Variants in INSC observed in about 807,000 individuals in gnomAD.
The protein encoded by INSC is protein inscuteable homolog.
A neutral mutation model predicts 58.6 loss-of-function variants in INSC; 67 were observed. The observed-to-expected ratio is 1.14, with a 90% confidence interval of 0.94 to 1.40. The LOEUF (loss-of-function observed/expected upper bound fraction) is 1.40. Ranked by LOEUF, INSC falls within the 40% of genes most tolerant of loss-of-function variation. The pLI is 0.00. For missense variants in INSC, 714 were observed against 692.0 expected (o/e 1.03, Z -0.36); for synonymous variants, 262 against 276.1 (o/e 0.95, Z 0.51).
At chr11:15,189,269 C>A (rs979024601) in intron 5 of INSC, among the ~76,000 whole-genome samples, 3 of 152,194 alleles carry the variant, frequency 2.0e-5, no homozygotes, top group African/African-American at 7.2e-5. Context: ...TTAGCTTCCA[C>A]CTGGCAGGTA....
chr11:15,204,716 C>G (rs1367304213), intron 7 of INSC, among the ~76,000 whole-genome samples: 1 of 152,238 alleles, frequency 6.6e-6, no homozygotes, highest in Non-Finnish European at 1.5e-5. Flanking sequence ...ACTCACCGGG[C>G]ATGGTTCGTG....
rs58463716 is a variant in INSC, at chr11:15,149,262, C to T, written c.56+32C>T. Reference sequence around the variant, plus strand: ...CCTACAGCTGTCACTCCAGGCCAGGCCTGCCCCATCTGAACCGTGACTGAG... The same window carrying T: ...CCTACAGCTGTCACTCCAGGCCAGGTCTGCCCCATCTGAACCGTGACTGAG... On this transcript the variant is annotated intron_variant, in intron 2 of 12. Transcript: ENST00000379556. 3,981 of 1,483,326 alleles carry T rather than the reference C, an allele frequency of 2.7e-3. 79 individuals are homozygous for T. The African/African-American group carries it at 0.045, about 17-fold the overall frequency. The allele number at this position is 1,483,326 out of a possible 1,614,324, so 91.9% of individuals were successfully genotyped here.
intron 7 of INSC, among the ~76,000 whole-genome samples, chr11:15,204,252 CG>C (rs1564901712): frequency 6.6e-6 from 1 of 152,224 alleles, no homozygotes; most frequent in East Asian, 1.9e-4. Flanking sequence ...GACTCAGAGA[CG>C]CGAAGCCACT....
upstream of INSC, among the ~76,000 whole-genome samples, chr11:15,111,752 C>T (rs1564851044): frequency 2.0e-5 from 3 of 152,146 alleles, no homozygotes; most frequent in Non-Finnish European, 4.4e-5. Context: ...ATAATAATAA[C>T]TTTTATAAAA....
chr11:15,268,603 A>G, the INSC span, among the ~76,000 whole-genome samples: 2 of 152,096 alleles, frequency 1.3e-5, no homozygotes, highest in South Asian at 2.1e-4. Flanking sequence ...TCCTTGACCT[A>G]TAAAAAGTGT....
chr11:15,175,794 T>C lies in INSC; in HGVS notation c.110T>C (p.Leu37Pro). 2 of 1,602,674 alleles carry C rather than the reference T, an allele frequency of 1.2e-6. No homozygotes were observed. Among genetic ancestry groups the C allele is most frequent in the Non-Finnish European group, 1.7e-6 (2 of 1,171,086 alleles). The change falls in exon 3 of 13, where the codon CTC becomes CCC. Residue 37 changes from leucine to proline, a missense_variant. Coordinates refer to ENST00000379556, the MANE Select transcript of INSC (RefSeq NM_001042536.3). ...CAGCGCTGGATGGAAGATCTGAAGCTCATGACCGAGTGCGAGTGCATGTGT... is the reference window on the plus strand; with the variant it reads ...CAGCGCTGGATGGAAGATCTGAAGCCCATGACCGAGTGCGAGTGCATGTGT... ...SVQRWMEDLK[L>P]MTECECMCVL...
At chr11:15,237,462 G>C (rs1323017926) in intron 10 of INSC, among the ~76,000 whole-genome samples, 1 of 152,238 alleles carries the variant, frequency 6.6e-6, no homozygotes, top group African/African-American at 2.4e-5. Flanking sequence ...GTCTGGCACA[G>C]AATGAGCACT....
chr11:15,114,364 G>T (rs1459336287), upstream of INSC, among the ~76,000 whole-genome samples: 1 of 152,184 alleles, frequency 6.6e-6, no homozygotes, highest in Non-Finnish European at 1.5e-5. Context: ...TTAGGTGTGT[G>T]TGAGCAAGGT....
At chr11:15,229,991 A>AT (rs1564917444) in intron 9 of INSC, among the ~76,000 whole-genome samples, 5 of 28,500 alleles carry the variant, frequency 1.8e-4, no homozygotes, top group African/African-American at 1.6e-4. Context: ...ATATATATAT[A>AT]TATATATATA....
At chr11:15,233,983 T>C (rs1230466363) in intron 9 of INSC, among the ~76,000 whole-genome samples, 1 of 152,102 alleles carries the variant, frequency 6.6e-6, no homozygotes, top group Non-Finnish European at 1.5e-5. Context: ...TTCCTCTAAC[T>C]CCTTCCACTG....
At chr11:15,112,699 G>C, upstream of INSC, 1 of 588,100 alleles carries the variant, frequency 1.7e-6, no homozygotes, top group Non-Finnish European at 2.7e-6. Flanking sequence ...AACAAACCAA[G>C]TCTGTTCCTC....
At chr11:15,124,749 T>A (rs955450814) in intron 1 of INSC, among the ~76,000 whole-genome samples, 5 of 152,200 alleles carry the variant, frequency 3.3e-5, no homozygotes, top group African/African-American at 9.6e-5. Flanking sequence ...GCTGTCCATC[T>A]GCTTTGGCGG....
chr11:15,112,418 C>T, upstream of INSC: 1 of 1,471,342 alleles, frequency 6.8e-7, no homozygotes, highest in Non-Finnish European at 9.3e-7. Context: ...AGAAGCTGTT[C>T]ACAGGGGCCT....
At chr11:15,236,788 C>G (rs1762420559) in intron 10 of INSC, among the ~76,000 whole-genome samples, 1 of 152,192 alleles carries the variant, frequency 6.6e-6, no homozygotes, top group Non-Finnish European at 1.5e-5. Flanking sequence ...TCTTGCTAAA[C>G]CCCCTTCTCC....
At chr11:15,180,702 G>GGTGGGGGGGT (rs1849747811) in intron 5 of INSC, among the ~76,000 whole-genome samples, 1 of 105,322 alleles carries the variant, frequency 9.5e-6, no homozygotes, top group Non-Finnish European at 1.9e-5. Context: ...GGCGGGGGGG[G>GGTGGGGGGGT]GTGGTGGCCA....
intron 2 of INSC, among the ~76,000 whole-genome samples, chr11:15,172,279 T>A (rs1047466437): frequency 6.6e-6 from 1 of 152,174 alleles, no homozygotes; most frequent in African/African-American, 2.4e-5. Context: ...TTTTCCATCT[T>A]TAATAACTCC....
At chr11:15,241,050 T>C (rs1418080874) in intron 12 of INSC, among the ~76,000 whole-genome samples, 4 of 152,210 alleles carry the variant, frequency 2.6e-5, no homozygotes, top group African/African-American at 9.6e-5. Context: ...GATCTTCACC[T>C]TGAACACAAG....
chr11:15,254,031 A>G, the INSC span, among the ~76,000 whole-genome samples: 4 of 152,184 alleles, frequency 2.6e-5, no homozygotes, highest in African/African-American at 9.6e-5. Flanking sequence ...GTATGGAGCT[A>G]ATGCTGATGG....
chr11:15,234,246 G>A (rs932241982), intron 9 of INSC, among the ~76,000 whole-genome samples: 3 of 152,202 alleles, frequency 2.0e-5, no homozygotes, highest in African/African-American at 7.2e-5. Context: ...TCTGAGCTGG[G>A]AGGGGTTGTC....
Sources: allele counts gnomAD v4.1 joint callset (sites outside exome capture counted in the v4.1 genomes callset), GRCh38; gene constraint gnomAD v4.1.1; transcripts MANE v1.5; gene names NCBI Gene and HGNC (gene_info 2026-07-23, HGNC 2026-07-21).